Variants in ADGRL4 observed in about 807,000 individuals in gnomAD.
The protein encoded by ADGRL4 is EGF, latrophilin and seven transmembrane domain containing 1.
In ADGRL4, 90 loss-of-function variants were observed where a neutral mutation model predicts 74.8. The ratio of observed to expected loss-of-function variants is 1.20; its 90% confidence interval spans 1.02 to 1.43. The LOEUF is 1.43. Among genes scored for constraint, ADGRL4 ranks in the 40% most tolerant of loss-of-function variants. The pLI is 0.00. For missense variants in ADGRL4, 881 were observed against 814.3 expected, an observed-to-expected ratio of 1.08 and a Z score of -1.00; for synonymous variants, 311 against 279.2, an observed-to-expected ratio of 1.11 and a Z score of -1.14.
In ADGRL4 at chr1:78,931,421, C is replaced by T. The variant is rs75882410; in HGVS notation, c.878-4330G>A. Among the ~76,000 whole-genome samples the T allele has an allele frequency of 2.0e-5, 3 of 151,426 alleles. No individual in the cohort carries two copies. In the South Asian group the frequency reaches 6.2e-4, roughly 31 times the overall value. On this transcript the variant is annotated intron_variant, in intron 7 of 14. Coordinates refer to ENST00000370742, the MANE Select transcript of ADGRL4 (RefSeq NM_022159.4). Reference sequence around the variant, plus strand: ...CCACCAGTCCTGCCTTGCAAAAGCTCCTGAAAGAAGCACTGAATATGGAAA... The same window carrying T: ...CCACCAGTCCTGCCTTGCAAAAGCTTCTGAAAGAAGCACTGAATATGGAAA...
intron 13 of ADGRL4, among the ~76,000 whole-genome samples, chr1:78,892,092 C>T (rs575556937): frequency 1.3e-5 from 2 of 152,106 alleles, no homozygotes; most frequent in Non-Finnish European, 2.9e-5. Flanking sequence ...TAAGAAACTC[C>T]GAAAAGAAAG....
At chr1:78,955,889 G>GA (rs1261307646) in intron 2 of ADGRL4, among the ~76,000 whole-genome samples, 2 of 151,964 alleles carry the variant, frequency 1.3e-5, no homozygotes, top group Non-Finnish European at 2.9e-5. Flanking sequence ...AAATATTTTG[G>GA]AAAAAAACTA....
intron 2 of ADGRL4, among the ~76,000 whole-genome samples, chr1:78,971,151 A>G (rs1259057469): frequency 6.6e-6 from 1 of 152,092 alleles, no homozygotes; most frequent in East Asian, 1.9e-4. Flanking sequence ...GAACCCTTAG[A>G]TAGGCCTCTA....
chr1:78,909,039 A>G (rs1648703406), intron 12 of ADGRL4, among the ~76,000 whole-genome samples: 1 of 151,952 alleles, frequency 6.6e-6, no homozygotes, highest in Admixed American at 6.6e-5. Flanking sequence ...AAAAAAGTGG[A>G]AAAATGTTAC....
chr1:78,907,641 A>G (rs1264050311), intron 12 of ADGRL4, among the ~76,000 whole-genome samples: 2 of 151,994 alleles, frequency 1.3e-5, no homozygotes, highest in African/African-American at 4.8e-5. Flanking sequence ...TTTCCTTGGA[A>G]AGTGTTGTTT....
chr1:78,915,353 C>G (rs1648849465), intron 12 of ADGRL4, among the ~76,000 whole-genome samples: 1 of 151,734 alleles, frequency 6.6e-6, no homozygotes, highest in African/African-American at 2.4e-5. Flanking sequence ...TTCTTATATC[C>G]CGGGGACACA....
intron 2 of ADGRL4, among the ~76,000 whole-genome samples, chr1:79,001,232 A>AGGGG (rs1650837843): frequency 2.3e-5 from 1 of 43,712 alleles, no homozygotes; most frequent in African/African-American, 9.4e-5. Flanking sequence ...AGAGGGAGGG[A>AGGGG]GGGAGGGAGG....
chr1:78,986,974 G>A (rs1650511456), intron 2 of ADGRL4, among the ~76,000 whole-genome samples: 1 of 151,766 alleles, frequency 6.6e-6, no homozygotes, highest in Non-Finnish European at 1.5e-5. Context: ...AACGAGGTAT[G>A]TCATGAAACA....
chr1:78,943,577 GA>G (rs1169109250), intron 3 of ADGRL4, among the ~76,000 whole-genome samples: 2 of 152,124 alleles, frequency 1.3e-5, no homozygotes, highest in Non-Finnish European at 2.9e-5. Context: ...AGATTTTAAT[GA>G]CTATAATTAC....
chr1:78,905,798 G>A (rs1648622663), intron 12 of ADGRL4, among the ~76,000 whole-genome samples: 2 of 151,794 alleles, frequency 1.3e-5, no homozygotes, highest in Non-Finnish European at 2.9e-5. Context: ...TAAATCCCAG[G>A]TATCTTTAAT....
At chr1:78,915,837 G>A (rs1453227678) in intron 12 of ADGRL4, among the ~76,000 whole-genome samples, 1 of 151,852 alleles carries the variant, frequency 6.6e-6, no homozygotes, top group Non-Finnish European at 1.5e-5. Context: ...GAAGAACAAA[G>A]ATAACTGGAG....
intron 6 of ADGRL4, among the ~76,000 whole-genome samples, chr1:78,937,124 C>T (rs888216880): frequency 1.3e-5 from 2 of 152,148 alleles, no homozygotes; most frequent in African/African-American, 4.8e-5. Context: ...TATGAACATG[C>T]AAAGGATTCT....
At chr1:78,920,412 T>C (rs1277973099) in intron 9 of ADGRL4, 26 bp from the exon 10 acceptor site, 1 of 1,432,292 alleles carries the variant, frequency 7.0e-7, no homozygotes, top group Non-Finnish European at 9.6e-7. Flanking sequence ...AATAAAGCAG[T>C]TAAAAGAATA....
At chr1:78,923,081 TAGA>T (rs1217033273) in intron 8 of ADGRL4, among the ~76,000 whole-genome samples, 2 of 151,956 alleles carry the variant, frequency 1.3e-5, no homozygotes. Context: ...GAGAGATTGC[TAGA>T]AGTTTGTCAA....
intron 10 of ADGRL4, 147 bp from the exon 11 acceptor site, chr1:78,918,197 C>A: frequency 3.2e-6 from 2 of 616,750 alleles, no homozygotes; most frequent in Non-Finnish European, 5.5e-6. Flanking sequence ...TATTAAAATA[C>A]CATGTCAGTT....
chr1:78,935,663 C>A (rs1380221373), intron 7 of ADGRL4, among the ~76,000 whole-genome samples: 2 of 152,008 alleles, frequency 1.3e-5, no homozygotes, highest in African/African-American at 4.8e-5. Flanking sequence ...AATATAGTGA[C>A]TTTGCTGTAT....
intron 2 of ADGRL4, among the ~76,000 whole-genome samples, chr1:78,982,362 GT>G (rs898117427): frequency 1.4e-4 from 21 of 151,854 alleles, no homozygotes; most frequent in African/African-American, 5.1e-4. Flanking sequence ...CAAGTGAGAT[GT>G]TTTTTACTGT....
intron 12 of ADGRL4, among the ~76,000 whole-genome samples, chr1:78,906,694 A>G (rs2100659409): frequency 6.6e-6 from 1 of 152,166 alleles, no homozygotes; most frequent in African/African-American, 2.4e-5. Context: ...AACAGAGGTT[A>G]GTAAGAATCA....
chr1:78,996,584 C>A (rs1457357467), intron 2 of ADGRL4, among the ~76,000 whole-genome samples: 1 of 152,034 alleles, frequency 6.6e-6, no homozygotes, highest in Non-Finnish European at 1.5e-5. Context: ...TAATTTATGT[C>A]TTTTATTTTA....
Sources: allele counts gnomAD v4.1 joint callset (sites outside exome capture counted in the v4.1 genomes callset), GRCh38; gene constraint gnomAD v4.1.1; transcripts MANE v1.5; gene names NCBI Gene and HGNC (gene_info 2026-07-23, HGNC 2026-07-21).